Variants in ARHGAP25 observed in about 807,000 individuals in gnomAD.
ARHGAP25 encodes the protein rho GTPase-activating protein 25.
ARHGAP25 carries 34 observed loss-of-function variants against 71.0 expected under a neutral mutation model. The observed-to-expected ratio is 0.48, with a 90% CI of 0.36 to 0.64. The LOEUF (loss-of-function observed/expected upper bound fraction) is 0.64. ARHGAP25 is among the 30% of genes least tolerant of loss of function. ARHGAP25 has a pLI of 0.00. For missense variants in ARHGAP25, 706 were observed against 805.1 expected, an observed-to-expected ratio of 0.88 and a Z score of 1.49; for synonymous variants, 282 against 296.5, an observed-to-expected ratio of 0.95 and a Z score of 0.50.
intron 1 of ARHGAP25, among the ~76,000 whole-genome samples, chr2:68,750,425 C>T (rs144417182): frequency 2.0e-5 from 3 of 151,622 alleles, no homozygotes; most frequent in South Asian, 2.1e-4. Context: ...CTAGTTCAAG[C>T]GATTCTCCTG....
chr2:68,823,782 G>C (rs114717389), intron 10 of ARHGAP25, among the ~76,000 whole-genome samples: 2 of 152,176 alleles, frequency 1.3e-5, no homozygotes, highest in Non-Finnish European at 2.9e-5. Context: ...AAACAGAAGC[G>C]GGAGGCCAGT....
At chr2:68,776,332 T>C (rs761541560) in intron 2 of ARHGAP25, among the ~76,000 whole-genome samples, 1 of 152,220 alleles carries the variant, frequency 6.6e-6, no homozygotes, top group Admixed American at 6.5e-5. Flanking sequence ...CAGGGAGGCA[T>C]TGCAGGGCTC....
At chr2:68,723,906 C>T (rs1168547555) in intron 2 of ARHGAP25, among the ~76,000 whole-genome samples, 3 of 146,532 alleles carry the variant, frequency 2.0e-5, no homozygotes. Flanking sequence ...GGCAGGCTCT[C>T]ACTCGGTTGC....
At chr2:68,750,994 T>C (rs1285086616) in intron 1 of ARHGAP25, among the ~76,000 whole-genome samples, 1 of 152,220 alleles carries the variant, frequency 6.6e-6, no homozygotes, top group Non-Finnish European at 1.5e-5. Context: ...TCCCAGCAAG[T>C]CCAGCTGACA....
intron 2 of ARHGAP25, among the ~76,000 whole-genome samples, chr2:68,726,488 A>G (rs542999162): frequency 6.6e-6 from 1 of 152,358 alleles, no homozygotes; most frequent in East Asian, 1.9e-4. Context: ...AATTTCCCAT[A>G]TAAATAGACA....
rs748691934 is a variant in ARHGAP25, at chr2:68,822,490, T to A, written c.1351T>A (p.Leu451Met). The A allele has an allele frequency of 6.2e-7, 1 of 1,614,226 alleles. No homozygotes were observed. The highest frequency in any genetic ancestry group is 1.1e-5 in the South Asian group (1 of 91,086). ...AACACTCCCTAACCGGAAATGTTTC[T>A]TGACATCAGCTTTTCAGGGTGCCAA... Reference protein sequence around the residue: ...TQTLPNRKCFLTSAFQGANSS... With the variant: ...TQTLPNRKCFMTSAFQGANSS... Residue 451 changes from leucine (L) to methionine (M), a missense_variant, in exon 10 of 11, where the codon TTG becomes ATG. Transcript: ENST00000409202.
chr2:68,753,017 C>T (rs946603306), intron 1 of ARHGAP25, among the ~76,000 whole-genome samples: 2 of 152,086 alleles, frequency 1.3e-5, no homozygotes, highest in East Asian at 3.9e-4. Flanking sequence ...CAGCATCAAT[C>T]CTCCCAGTTA....
chr2:68,719,440 A>G (rs1024018202), intron 2 of ARHGAP25, among the ~76,000 whole-genome samples: 3 of 151,860 alleles, frequency 2.0e-5, no homozygotes, highest in Non-Finnish European at 2.9e-5. Flanking sequence ...AAAAAAAAAA[A>G]AAAGAAAAAA....
At chr2:68,738,683 T>G (rs1675345982) in intron 1 of ARHGAP25, among the ~76,000 whole-genome samples, 1 of 152,062 alleles carries the variant, frequency 6.6e-6, no homozygotes, top group Non-Finnish European at 1.5e-5. Flanking sequence ...TAGCTGGGCA[T>G]GGTGGCGGGC....
At chr2:68,783,284 A>T (rs747079689) in intron 3 of ARHGAP25, among the ~76,000 whole-genome samples, 8 of 152,222 alleles carry the variant, frequency 5.3e-5, no homozygotes, top group Non-Finnish European at 1.2e-4. Context: ...AAGGAAATAA[A>T]TATGAAGCAT....
At chr2:68,781,462 GA>G (rs1434764909) in intron 2 of ARHGAP25, among the ~76,000 whole-genome samples, 25 of 152,254 alleles carry the variant, frequency 1.6e-4, no homozygotes, top group African/African-American at 5.5e-4. Flanking sequence ...ACACATGGTG[GA>G]AGTGGCTTGT....
At position 68,807,473 on chromosome 2, in the gene ARHGAP25, T is replaced by C. The variant is rs767647557; in HGVS notation, c.667T>C (p.Phe223Leu). ...TTTTGATGCTGGGGAGCGGCCCTCC[T>C]TTGACAGGTACATTGCCCCACTGCA... ...DAFDAGERPSFDRDTDVHTVA... is the reference protein window; with the variant it reads ...DAFDAGERPSLDRDTDVHTVA... The change falls in exon 5 of 11, where the codon TTT becomes CTT. Residue 223 changes from phenylalanine (F) to leucine (L), a missense_variant. Transcript: ENST00000409202. 4.3e-6 allele frequency: 7 copies of C among 1,614,090 alleles called. No homozygotes were observed. The South Asian group carries it at 7.7e-5, about 18-fold the overall frequency.
chr2:68,774,702 A>C lies in ARHGAP25; in HGVS notation c.62-519A>C, dbSNP rs901333861. 23 of 990,374 alleles carry C rather than the reference A, an allele frequency of 2.3e-5. No homozygotes were observed. In the African/African-American group the frequency reaches 3.8e-4, roughly 17 times the overall value. 61.3% of individuals were successfully genotyped at this position (990,374 alleles called of 1,614,324 possible). On this transcript the variant is annotated intron_variant, in intron 1 of 10. Transcript: ENST00000409202. ...GGCCTGCGTTCCACAGCGAGGTTGG[A>C]GCTAACAGCTTCTGTCTTGCGGCCC...
Position 68,775,289 on chromosome 2 carries a change from C to G in ARHGAP25, c.130C>G (p.Leu44Val). 6.2e-7 allele frequency: 1 copy of G among 1,614,266 alleles called. No individual in the cohort carries two copies. The highest frequency in any genetic ancestry group is 8.5e-7 in the Non-Finnish European group (1 of 1,180,058). ...CCATCCATCGTCCACCCCCAACCCG[C>G]TGGAGAGGCCCATCAAGATGGGCTG... Reference protein sequence around the residue: ...AFHPSSTPNPLERPIKMGWLK... With the variant: ...AFHPSSTPNPVERPIKMGWLK... Residue 44 changes from leucine to valine, a missense_variant, in exon 2 of 11, where the codon CTG becomes GTG. Leu to Val is a conservative substitution (Grantham distance 32). Transcript: ENST00000409202.
intron 2 of ARHGAP25, chr2:68,710,781 T>C (rs1245646573): frequency 3.3e-5 from 5 of 152,220 alleles, no homozygotes; most frequent in Admixed American, 6.5e-5. Context: ...GTCCCTGACA[T>C]AAACTTGGTG....
At chr2:68,722,753 G>C (rs1383443455) in intron 2 of ARHGAP25, among the ~76,000 whole-genome samples, 1 of 152,154 alleles carries the variant, frequency 6.6e-6, no homozygotes, top group African/African-American at 2.4e-5. Context: ...CCCTAGCTCA[G>C]GCTCCTGAAC....
At chr2:68,795,693 G>T (rs1164165726) in intron 4 of ARHGAP25, among the ~76,000 whole-genome samples, 1 of 152,104 alleles carries the variant, frequency 6.6e-6, no homozygotes, top group Non-Finnish European at 1.5e-5. Context: ...CATATGGCCT[G>T]TCTTGGAGAC....
chr2:68,799,580 AT>A (rs1431390295), intron 4 of ARHGAP25, among the ~76,000 whole-genome samples: 3 of 152,060 alleles, frequency 2.0e-5, no homozygotes, highest in Non-Finnish European at 4.4e-5. Flanking sequence ...CCCGCGTGGG[AT>A]TTTTTTTAAC....
At chr2:68,804,817 T>A (rs993934361) in intron 4 of ARHGAP25, among the ~76,000 whole-genome samples, 4 of 152,342 alleles carry the variant, frequency 2.6e-5, no homozygotes, top group African/African-American at 9.6e-5. Context: ...AAAGACAAAT[T>A]GATTCATTAA....
Sources: allele counts gnomAD v4.1 joint callset (sites outside exome capture counted in the v4.1 genomes callset), GRCh38; gene constraint gnomAD v4.1.1; transcripts MANE v1.5; gene names NCBI Gene and HGNC (gene_info 2026-07-23, HGNC 2026-07-21).